Variants in PCDHA9 observed in about 807,000 individuals in gnomAD.
PCDHA9 encodes protocadherin alpha 9, also known as protocadherin alpha-9.
Under a neutral mutation model 62.0 loss-of-function variants are expected in PCDHA9, and 62 were observed. The observed-to-expected ratio is 1.00, with a 90% CI of 0.81 to 1.23. The LOEUF is 1.23. Ranked by LOEUF, PCDHA9 falls within the 50% of genes most tolerant of loss-of-function variation. The probability of loss-of-function intolerance (pLI) is 0.00; values close to 1 mark genes in which losing one functional copy is unlikely to be tolerated. For synonymous variants in PCDHA9, 557 were observed against 567.6 expected, an observed-to-expected ratio of 0.98 and a Z score of 0.27; for missense variants, 1,205 against 1,249.8, an observed-to-expected ratio of 0.96 and a Z score of 0.54.
chr5:140,953,002 T>C (rs1019745922), intron 1 of PCDHA9, among the ~76,000 whole-genome samples: 5 of 152,142 alleles, frequency 3.3e-5, no homozygotes, highest in African/African-American at 1.2e-4. Flanking sequence ...ACTCTCTCAC[T>C]ATTATGAGAA....
At chr5:140,872,878 C>G (rs1582101357) in intron 1 of PCDHA9, among the ~76,000 whole-genome samples, 1 of 152,160 alleles carries the variant, frequency 6.6e-6, no homozygotes, top group East Asian at 1.9e-4. Flanking sequence ...TTATCAGTTT[C>G]ATTCATCTCA....
rs1554142573 is a variant in PCDHA9 at position 140,848,920 on chromosome 5, T to A, written c.425T>A (p.Ile142Asn). The change falls in exon 1 of 4, where the codon ATC becomes AAC. Residue 142 changes from isoleucine (I) to asparagine (N), a missense_variant. Ile to Asn is a moderately radical substitution (Grantham distance 149). This residue lies in a region of PCDHA9 where 208 missense variants were observed against 213.2 expected (regional missense o/e 0.98). Coordinates refer to ENST00000532602, the MANE Select transcript of PCDHA9 (RefSeq NM_031857.2). ...CCAGCGACACAAAAGAATCTGTTCA[T>A]CGCGGAATCCAGGCCGCTTGACTCT... The part of the protein sequence containing the change: ...VFPATQKNLF[I>N]AESRPLDSRF... 6.2e-7 allele frequency: 1 copy of A among 1,607,752 alleles called. No homozygotes were observed. The highest frequency in any genetic ancestry group is 2.2e-5 in the East Asian group (1 of 44,838).
At chr5:140,913,212 T>G (rs113766408) in intron 1 of PCDHA9, among the ~76,000 whole-genome samples, 11,533 of 152,278 alleles carry the variant, frequency 0.076, 607 homozygotes, top group Non-Finnish European at 0.12. Flanking sequence ...AGCCAATGGG[T>G]CCCAGGCTTT....
Position 140,848,684 on chromosome 5 carries a change from G to C in PCDHA9, c.189G>C (p.Leu63=), listed in dbSNP as rs2040546580. ...AGCTGGCGGAGCTGGTGCCGCGCCTGTTCCAGTTGGATTCCAAAGGCCGCG... is the reference window on the plus strand; with the variant it reads ...AGCTGGCGGAGCTGGTGCCGCGCCTCTTCCAGTTGGATTCCAAAGGCCGCG... ...GLELAELVPR[L]FQLDSKGRGD... The change falls in exon 1 of 4, where the codon CTG becomes CTC. Residue 63 remains leucine (L), a synonymous_variant. Coordinates refer to ENST00000532602, the MANE Select transcript of PCDHA9 (RefSeq NM_031857.2). The C allele has an allele frequency of 6.3e-7, 1 of 1,592,318 alleles. No homozygotes were observed. The highest frequency in any genetic ancestry group is 1.3e-5 in the African/African-American group (1 of 74,288).
intron 1 of PCDHA9, among the ~76,000 whole-genome samples, chr5:140,950,547 TGGG>T (rs1385873509): frequency 6.6e-6 from 1 of 152,064 alleles, no homozygotes; most frequent in Non-Finnish European, 1.5e-5. Flanking sequence ...CTTGCATGGC[TGGG>T]GGGACACTTA....
rs201131092 is a variant in PCDHA9 at position 141,009,948 on chromosome 5, T to A, written c.*11T>A. ...AACAGTGACCAGTGAGGTCCTCAAATGGAAACAAGCCACTTAGCCAGTTTT... is the reference window on the plus strand; with the variant it reads ...AACAGTGACCAGTGAGGTCCTCAAAAGGAAACAAGCCACTTAGCCAGTTTT... On this transcript the variant is annotated 3_prime_UTR_variant, in exon 4 of 4. Coordinates refer to ENST00000532602, the MANE Select transcript of PCDHA9 (RefSeq NM_031857.2). The A allele has an allele frequency of 9.4e-6, 15 of 1,595,948 alleles. No homozygotes were observed. In the East Asian group the frequency reaches 3.4e-4, roughly 36 times the overall value.
intron 1 of PCDHA9, chr5:140,883,172 AT>A: frequency 1.2e-6 from 2 of 1,614,038 alleles, no homozygotes; most frequent in Non-Finnish European, 1.7e-6. Flanking sequence ...CAATGGAGAA[AT>A]TAGGACAAAA....
At chr5:140,856,876 G>A (rs1554149244) in intron 1 of PCDHA9, 1 of 1,596,004 alleles carries the variant, frequency 6.3e-7, no homozygotes, top group Non-Finnish European at 8.6e-7. Context: ...ACAAGGAAAT[G>A]ATGTATTCAT....
intron 1 of PCDHA9, chr5:140,876,186 T>A: frequency 1.2e-6 from 2 of 1,613,960 alleles, no homozygotes; most frequent in Middle Eastern, 1.6e-4. Context: ...TGAATGACAA[T>A]GGTCCGGCGT....
intron 1 of PCDHA9, chr5:140,855,985 T>C (rs1308397078): frequency 1.4e-6 from 2 of 1,473,214 alleles, no homozygotes; most frequent in East Asian, 2.3e-5. Flanking sequence ...GGACAGAAAA[T>C]GTCAGATCGT....
chr5:140,884,051 C>T (rs782045843), intron 1 of PCDHA9: 4 of 1,613,308 alleles, frequency 2.5e-6, no homozygotes, highest in Non-Finnish European at 2.5e-6. Context: ...GGCGAAGGTG[C>T]GCGCGGTGGA....
Position 140,862,133 on chromosome 5 carries a change from T to C in PCDHA9, c.2394+11244T>C, listed in dbSNP as rs188346525. ...GTGGATAAATAAATGTAAAGATAGGTTTTGAGGAAACTAAATAATGAAAGA... is the reference window on the plus strand; with the variant it reads ...GTGGATAAATAAATGTAAAGATAGGCTTTGAGGAAACTAAATAATGAAAGA... On this transcript the variant is annotated intron_variant, in intron 1 of 3. Transcript: ENST00000532602. The C allele has an allele frequency of 2.2e-3, 352 of 163,204 alleles. 2 individuals carry two copies. Among genetic ancestry groups the C allele is most frequent in the South Asian group, 2.0e-3 (12 of 5,916 alleles). The allele number at this position is 163,204 out of a possible 1,614,324, so 10.1% of individuals were successfully genotyped here.
At position 141,010,146 on chromosome 5, in the gene PCDHA9, C is replaced by A. The variant is rs782795358; in HGVS notation, c.*209C>A. 1 of 1,584,410 alleles carries A rather than the reference C, an allele frequency of 6.3e-7. No individual in the cohort carries two copies. Among genetic ancestry groups the A allele is most frequent in the Non-Finnish European group, 8.6e-7 (1 of 1,164,258 alleles). The stretch of plus-strand genomic sequence containing the variant: ...TAAGTCTGGTGTTAACTCTTTCTCT[C>A]CACTCTGGCTTGTTTTCAGAACCTA... On this transcript the variant is annotated 3_prime_UTR_variant, in exon 4 of 4. Transcript: ENST00000532602.
intron 1 of PCDHA9, among the ~76,000 whole-genome samples, chr5:140,904,728 T>G (rs1357605257): frequency 6.6e-6 from 1 of 152,198 alleles, no homozygotes; most frequent in Non-Finnish European, 1.5e-5. Flanking sequence ...CCAACATCTA[T>G]TATTTTTTTA....
intron 1 of PCDHA9, among the ~76,000 whole-genome samples, chr5:140,937,626 A>G (rs2091639486): frequency 6.6e-6 from 1 of 150,782 alleles, no homozygotes; most frequent in Non-Finnish European, 1.5e-5. Context: ...AAAAAGAAAA[A>G]GAAAGGCAGG....
chr5:140,875,411 T>C, intron 1 of PCDHA9: 1 of 1,503,674 alleles, frequency 6.7e-7, no homozygotes, highest in Non-Finnish European at 8.9e-7. Context: ...GCTCATAAAA[T>C]ACCTCAGGCA....
chr5:140,979,615 A>G (rs965487699), intron 2 of PCDHA9, among the ~76,000 whole-genome samples: 1 of 152,258 alleles, frequency 6.6e-6, no homozygotes, highest in Non-Finnish European at 1.5e-5. Context: ...GAGTAACGGT[A>G]TTAGTCTAAG....
At position 140,877,889 on chromosome 5, in the gene PCDHA9, G is replaced by A. The variant is rs904032241; in HGVS notation, c.2394+27000G>A. On this transcript the variant is annotated intron_variant, in intron 1 of 3. Coordinates refer to ENST00000532602, the MANE Select transcript of PCDHA9 (RefSeq NM_031857.2). ...ATATTTGTTTCCTTGAAGAACTTCC[G>A]TTTAGGTTATAACTACATTCTCTCA... 3.3e-5 allele frequency: 48 copies of A among 1,457,998 alleles called. No homozygotes were observed. The African/African-American group carries it at 6.0e-4, about 18-fold the overall frequency. 90.3% of individuals were successfully genotyped at this position (1,457,998 alleles called of 1,614,324 possible). A position where few individuals can be genotyped will look rare whatever the true frequency, so the allele number is the denominator to read the frequency against.
chr5:140,950,247 A>G (rs1483854749), intron 1 of PCDHA9, among the ~76,000 whole-genome samples: 1 of 152,004 alleles, frequency 6.6e-6, no homozygotes, highest in East Asian at 1.9e-4. Flanking sequence ...ATTTGTTCCT[A>G]AAGAGCTGAG....
Sources: gnomAD v4.1 joint callset for allele counts (sites outside exome capture counted in the v4.1 genomes callset) on GRCh38, gnomAD v4.1.1 for gene constraint, gnomAD v4.1.1 regional missense constraint, MANE v1.5 for transcripts, NCBI Gene and HGNC (gene_info 2026-07-23, HGNC 2026-07-21) for gene names.